The following MSTO1 variants were observed in gnomAD, a reference collection of about 807,000 sequenced individuals.
MSTO1 encodes the protein protein misato homolog 1.
Under a neutral mutation model 55.7 loss-of-function variants are expected in MSTO1, and 24 were observed. The ratio of observed to expected loss-of-function variants is 0.43; its 90% CI spans 0.31 to 0.61. The LOEUF (loss-of-function observed/expected upper bound fraction) is 0.61, where lower values mean the gene tolerates loss of function less well. Ranked by LOEUF, MSTO1 falls within the 20% of genes least tolerant of loss-of-function variation. The pLI is 0.09. For missense variants in MSTO1, 363 were observed against 625.7 expected, an observed-to-expected ratio of 0.58 and a Z score of 4.48; for synonymous variants, 162 against 252.8, an observed-to-expected ratio of 0.64 and a Z score of 3.41.
At chr1:155,609,408 G>A (rs190406476), upstream of MSTO1, among the ~76,000 whole-genome samples, 877 of 150,968 alleles carry the variant, frequency 5.8e-3, 4 homozygotes, top group African/African-American at 0.02. Context: ...ACCACGCCCA[G>A]CTAATTTTTT....
In MSTO1 at chr1:155,612,115, A is replaced by G. The variant is rs1159376460; in HGVS notation, c.678+15A>G. 8.1e-6 allele frequency: 13 copies of G among 1,612,636 alleles called. No homozygotes were observed. Among genetic ancestry groups the G allele is most frequent in the Non-Finnish European group, 1.0e-5 (12 of 1,179,738 alleles). On this transcript the variant is annotated intron_variant, in intron 7 of 13. Transcript: ENST00000245564. Reference sequence around the variant, plus strand: ...ACTACTTGCAGGTAGTGGCGTGGCAATGTGCACTCCAGGGTGGAAGCTCTT... The same window carrying G: ...ACTACTTGCAGGTAGTGGCGTGGCAGTGTGCACTCCAGGGTGGAAGCTCTT...
the MSTO1 span, among the ~76,000 whole-genome samples, chr1:155,574,870 C>CT: frequency 0.073 from 9,191 of 126,198 alleles, 510 homozygotes; most frequent in African/African-American, 0.14. Context: ...AGAACTTTTT[C>CT]TTTTTTTTTT....
upstream of MSTO1, among the ~76,000 whole-genome samples, chr1:155,609,243 A>ATATATTTTTTTTTTTT (rs59756178): frequency 1.8e-5 from 1 of 54,586 alleles, no homozygotes; most frequent in Non-Finnish European, 3.0e-5. Context: ...ATATATATAT[A>ATATATTTTTTTTTTTT]TTTTTTTTTT....
At chr1:155,612,728 C>T in intron 9 of MSTO1, 116 bp from the exon 10 acceptor site, 2 of 1,437,706 alleles carry the variant, frequency 1.4e-6, no homozygotes, top group Non-Finnish European at 1.9e-6. Context: ...CTTGTCCAGC[C>T]TGGGGTCAAA....
the MSTO1 span, among the ~76,000 whole-genome samples, chr1:155,565,358 CAGAAG>C: frequency 6.6e-6 from 1 of 150,486 alleles, no homozygotes; most frequent in Admixed American, 6.6e-5. Context: ...CTTAAAATAC[CAGAAG>C]AGAAAGACAA....
At chr1:155,611,331 A>G in intron 4 of MSTO1, 40 bp downstream of exon 4, 1 of 1,613,922 alleles carries the variant, frequency 6.2e-7, no homozygotes, top group South Asian at 1.1e-5. Context: ...CCGGTGCCAC[A>G]ACCCGAGGGT....
chr1:155,597,799 A>C, the MSTO1 span, among the ~76,000 whole-genome samples: 1 of 137,546 alleles, frequency 7.3e-6, no homozygotes, highest in African/African-American at 2.7e-5. Context: ...CGTGAGCCAC[A>C]GCACCCAGCC....
At chr1:155,588,923 A>G in the MSTO1 span, among the ~76,000 whole-genome samples, 1 of 152,134 alleles carries the variant, frequency 6.6e-6, no homozygotes, top group African/African-American at 2.4e-5. Context: ...AAAATAACCC[A>G]TTATTATAAA....
chr1:155,590,756 C>T, the MSTO1 span: 2 of 1,602,348 alleles, frequency 1.2e-6, no homozygotes, highest in South Asian at 1.1e-5. Flanking sequence ...AGGCCTGAGG[C>T]CGCCCAGCCC....
chr1:155,609,833 C>CT (rs768046729), upstream of MSTO1: 1 of 211,466 alleles, frequency 4.7e-6, no homozygotes, highest in Non-Finnish European at 9.6e-6. Flanking sequence ...TTTAGGGGAG[C>CT]TTCCGCTTTT....
At chr1:155,574,970 G>C in the MSTO1 span, among the ~76,000 whole-genome samples, 1 of 150,882 alleles carries the variant, frequency 6.6e-6, no homozygotes, top group East Asian at 2.0e-4. Flanking sequence ...GGGTTCAAGC[G>C]ATTCTCCTGC....
chr1:155,574,545 C>T, the MSTO1 span, among the ~76,000 whole-genome samples: 1 of 152,050 alleles, frequency 6.6e-6, no homozygotes, highest in South Asian at 2.1e-4. Context: ...GTTTGCAACT[C>T]ATCTGTAAGT....
chr1:155,613,557 G>A lies in MSTO1; in HGVS notation c.1379G>A (p.Gly460Glu). 1 of 1,611,460 alleles carries A rather than the reference G, an allele frequency of 6.2e-7. No homozygotes were observed. Among genetic ancestry groups the A allele is most frequent in the Non-Finnish European group, 8.5e-7 (1 of 1,178,564 alleles). ...CAGTATTTACAACAGCAGCAGCCTG[G>A]AGTCATGAGGTCAGTGTAACGGTTG... is the stretch of plus-strand genomic sequence containing the variant. ...LAQYLQQQQP[G>E]VMSSSHLLLT... Residue 460 changes from glycine (G) to glutamate (E), a missense_variant, in exon 12 of 14, where the codon GGA (glycine) becomes GAA (glutamate). Around this residue, in one of 3 missense-constraint regions of MSTO1, gnomAD observed 231 missense variants for 286.9 expected, o/e 0.81. Transcript: ENST00000245564.
At chr1:155,577,753 T>C in the MSTO1 span, among the ~76,000 whole-genome samples, 1 of 152,228 alleles carries the variant, frequency 6.6e-6, no homozygotes, top group South Asian at 2.1e-4. Flanking sequence ...GCTTCAAAAG[T>C]TTTTTCTTAA....
chr1:155,599,132 C>G, the MSTO1 span, among the ~76,000 whole-genome samples: 4 of 151,794 alleles, frequency 2.6e-5, no homozygotes, highest in African/African-American at 9.7e-5. Flanking sequence ...GAGCCGTGAT[C>G]GCACCACTGC....
the MSTO1 span, among the ~76,000 whole-genome samples, chr1:155,597,228 G>A: frequency 6.6e-6 from 1 of 152,102 alleles, no homozygotes; most frequent in Non-Finnish European, 1.5e-5. Context: ...CAGGATTTTG[G>A]GAGGCCAACG....
the MSTO1 span, among the ~76,000 whole-genome samples, chr1:155,571,292 A>T: frequency 6.6e-6 from 1 of 152,182 alleles, no homozygotes; most frequent in Admixed American, 6.6e-5. Context: ...CTTTCTTAAA[A>T]CATTAAGAGC....
the MSTO1 span, among the ~76,000 whole-genome samples, chr1:155,592,734 T>A: frequency 6.6e-6 from 1 of 152,052 alleles, no homozygotes; most frequent in African/African-American, 2.4e-5. Flanking sequence ...TTTGTACTTT[T>A]AGTAGAGACA....
In MSTO1 at chr1:155,612,300, G is replaced by C; in HGVS notation, c.797G>C (p.Gly266Ala). The C allele has an allele frequency of 1.3e-6, 2 of 1,584,732 alleles. No individual in the cohort carries two copies. The highest frequency in any genetic ancestry group is 8.6e-7 in the Non-Finnish European group (1 of 1,164,112). The change falls in exon 8 of 14, where the codon GGT (glycine) becomes GCT (alanine). Residue 266 changes from glycine (G) to alanine (A), a missense_variant. Gly to Ala is a moderately conservative substitution (Grantham distance 60). Coordinates refer to ENST00000245564, the MANE Select transcript of MSTO1 (RefSeq NM_018116.4). ...ATAATAACCTGGGGCCTGCTACCTG[G>C]TCCCTACCATCGTGGGGTGAGTGGA... ...RGIITWGLLP[G>A]PYHRGEAQRN...
Sources: gnomAD v4.1 joint callset for allele counts (sites outside exome capture counted in the v4.1 genomes callset) on GRCh38, gnomAD v4.1.1 for gene constraint, gnomAD v4.1.1 regional missense constraint, MANE v1.5 for transcripts, NCBI Gene and HGNC (gene_info 2026-07-23, HGNC 2026-07-21) for gene names.